The following SNX29 variants were observed in gnomAD, a reference collection of about 807,000 sequenced individuals.
The protein encoded by SNX29 is sorting nexin 29, also known as sorting nexin-29.
Under a neutral mutation model 102.1 loss-of-function variants are expected in SNX29, and 78 were observed. That is an observed-to-expected ratio of 0.76 (90% confidence interval 0.64 to 0.92). The LOEUF (loss-of-function observed/expected upper bound fraction) is 0.92. SNX29 is among the 40% of genes least tolerant of loss of function. SNX29 has a pLI of 0.00. For synonymous variants in SNX29, 580 were observed against 414.5 expected, an observed-to-expected ratio of 1.40 and a Z score of -4.85; for missense variants, 1,280 against 1,061.7, an observed-to-expected ratio of 1.21 and a Z score of -2.86.
intron 18 of SNX29, among the ~76,000 whole-genome samples, chr16:12,456,782 T>C (rs1258028588): frequency 6.6e-6 from 1 of 151,964 alleles, no homozygotes. Context: ...AGAGGATGCA[T>C]TGGGATTGTG....
intron 20 of SNX29, among the ~76,000 whole-genome samples, chr16:12,563,894 G>A (rs968050967): frequency 2.0e-5 from 3 of 152,184 alleles, no homozygotes; most frequent in South Asian, 4.1e-4. Flanking sequence ...GGCCTCTGCC[G>A]TCTCTGGAGC....
At chr16:12,397,095 G>A (rs990424989) in intron 16 of SNX29, among the ~76,000 whole-genome samples, 8 of 152,078 alleles carry the variant, frequency 5.3e-5, no homozygotes, top group African/African-American at 1.9e-4. Context: ...GTCTTGCTGT[G>A]TTGCCCAGGC....
At chr16:12,102,812 C>T (rs1188487228) in intron 11 of SNX29, among the ~76,000 whole-genome samples, 1 of 152,172 alleles carries the variant, frequency 6.6e-6, no homozygotes, top group Non-Finnish European at 1.5e-5. Context: ...TTAGAAAACC[C>T]CATTGTCTCA....
chr16:12,223,951 T>G (rs535503737), intron 14 of SNX29, among the ~76,000 whole-genome samples: 13 of 152,286 alleles, frequency 8.5e-5, no homozygotes, highest in African/African-American at 2.9e-4. Flanking sequence ...TCGGAGGGGT[T>G]CAGCAGCTCA....
chr16:12,200,050 C>T (rs564145257), intron 14 of SNX29, among the ~76,000 whole-genome samples: 17 of 152,200 alleles, frequency 1.1e-4, no homozygotes, highest in South Asian at 8.3e-4. Flanking sequence ...AGAATCAGAG[C>T]GCTGGACTTA....
intron 8 of SNX29, among the ~76,000 whole-genome samples, chr16:12,054,212 C>G (rs530760770): frequency 6.6e-6 from 1 of 152,200 alleles, no homozygotes; most frequent in Non-Finnish European, 1.5e-5. Flanking sequence ...GTGATCTGCC[C>G]GCCTTGGCCT....
chr16:12,070,694 G>A (rs2051254884), intron 10 of SNX29, among the ~76,000 whole-genome samples: 1 of 151,828 alleles, frequency 6.6e-6, no homozygotes, highest in Admixed American at 6.6e-5. Context: ...TATATACCCA[G>A]TAATGGGATG....
chr16:12,329,822 T>C (rs981056450), intron 15 of SNX29, among the ~76,000 whole-genome samples: 2 of 152,244 alleles, frequency 1.3e-5, no homozygotes, highest in African/African-American at 2.4e-5. Flanking sequence ...TTTTCAGACC[T>C]GTTCTTTGAA....
At chr16:12,508,985 A>C (rs1260274319) in intron 19 of SNX29, among the ~76,000 whole-genome samples, 1 of 152,116 alleles carries the variant, frequency 6.6e-6, no homozygotes, top group East Asian at 1.9e-4. Flanking sequence ...AGTGTCCATA[A>C]GTCCCTCCGC....
chr16:12,553,208 G>A (rs1316968325), intron 20 of SNX29, among the ~76,000 whole-genome samples: 9 of 152,262 alleles, frequency 5.9e-5, no homozygotes, highest in Middle Eastern at 3.4e-3. Flanking sequence ...ATTTCCAGTA[G>A]CCATGCTCGC....
chr16:12,154,445 C>T lies in SNX29; in HGVS notation c.1595+24687C>T, dbSNP rs934189662. On this transcript the variant is annotated intron_variant, in intron 13 of 20. Coordinates refer to ENST00000566228, the MANE Select transcript of SNX29 (RefSeq NM_032167.5). ...GATTCTGGCAGGCTTTTCTACCTGT[C>T]ACAGCACTGGCTGTGGTTCCTAATT... Among the ~76,000 whole-genome samples, 7 of 152,230 alleles carry T rather than the reference C, an allele frequency of 4.6e-5. No individual in the cohort carries two copies. The East Asian group carries it at 1.2e-3, about 25-fold the overall frequency.
chr16:12,354,094 CTCTT>C (rs1456811575), intron 15 of SNX29, among the ~76,000 whole-genome samples: 4 of 152,324 alleles, frequency 2.6e-5, no homozygotes, highest in East Asian at 1.9e-4. Flanking sequence ...TCTTCTGAGG[CTCTT>C]TCTGAGTCTT....
At chr16:12,540,957 G>C (rs1226209287) in intron 20 of SNX29, among the ~76,000 whole-genome samples, 1 of 152,002 alleles carries the variant, frequency 6.6e-6, no homozygotes, top group African/African-American at 2.4e-5. Context: ...GCTGCCTGTA[G>C]TTCAGGCTGG....
At chr16:12,480,887 G>T (rs930306049) in intron 19 of SNX29, among the ~76,000 whole-genome samples, 1 of 152,036 alleles carries the variant, frequency 6.6e-6, no homozygotes, top group Non-Finnish European at 1.5e-5. Context: ...TGTTTGTTTG[G>T]TTTTTTGGAG....
At chr16:12,156,914 G>T (rs186951875) in intron 13 of SNX29, among the ~76,000 whole-genome samples, 95 of 152,276 alleles carry the variant, frequency 6.2e-4, no homozygotes, top group African/African-American at 2.2e-3. Context: ...ACTTCTGTGG[G>T]GTGGGCCTGC....
chr16:12,294,569 T>A (rs1320860632), intron 15 of SNX29, among the ~76,000 whole-genome samples: 1 of 152,168 alleles, frequency 6.6e-6, no homozygotes, highest in African/African-American at 2.4e-5. Context: ...GGCTGTGGGC[T>A]CATGCTGCCG....
chr16:12,465,127 C>T (rs1300341696), intron 18 of SNX29, among the ~76,000 whole-genome samples: 3 of 152,180 alleles, frequency 2.0e-5, no homozygotes, highest in African/African-American at 7.2e-5. Context: ...TGGATATTAA[C>T]CCCTTATCAG....
At chr16:12,036,461 A>G (rs923062876) in intron 4 of SNX29, among the ~76,000 whole-genome samples, 18 of 150,848 alleles carry the variant, frequency 1.2e-4, no homozygotes, top group African/African-American at 2.4e-4. Flanking sequence ...CTGCCTCCCA[A>G]GTAGCTGGGA....
intron 13 of SNX29, among the ~76,000 whole-genome samples, chr16:12,188,325 A>G (rs1409330013): frequency 6.6e-6 from 1 of 152,224 alleles, no homozygotes; most frequent in Non-Finnish European, 1.5e-5. Context: ...AGGTTAAGCA[A>G]CTTGCCCAAG....
Sources: gnomAD v4.1 joint callset for allele counts (sites outside exome capture counted in the v4.1 genomes callset) on GRCh38, gnomAD v4.1.1 for gene constraint, MANE v1.5 for transcripts, NCBI Gene and HGNC (gene_info 2026-07-23, HGNC 2026-07-21) for gene names.